The following POLR3B variants were observed in gnomAD, a reference collection of about 807,000 sequenced individuals.
The protein encoded by POLR3B is RNA polymerase III subunit B.
POLR3B carries 96 observed loss-of-function variants against 147.4 expected under a neutral mutation model. The ratio of observed to expected loss-of-function variants is 0.65; its 90% CI spans 0.55 to 0.77. The LOEUF is 0.77. Ranked by LOEUF, POLR3B falls within the 30% of genes least tolerant of loss-of-function variation. POLR3B has a pLI of 0.00. For missense variants in POLR3B, 1,036 were observed against 1,413.5 expected, an observed-to-expected ratio of 0.73 and a Z score of 4.28; for synonymous variants, 461 against 485.9, an observed-to-expected ratio of 0.95 and a Z score of 0.67.
chr12:106,392,968 T>TA, intron 9 of POLR3B, 63 bp from the exon 10 acceptor site: 2 of 1,604,502 alleles, frequency 1.2e-6, no homozygotes, highest in Non-Finnish European at 1.7e-6. Context: ...CAAATTAGCA[T>TA]AAGCAAATGT....
intron 9 of POLR3B, among the ~76,000 whole-genome samples, chr12:106,381,296 T>C (rs1271799923): frequency 4.6e-5 from 7 of 152,224 alleles, no homozygotes; most frequent in Admixed American, 3.3e-4. Flanking sequence ...GTAGAACTTC[T>C]TTCAAAAATT....
chr12:106,386,038 T>C (rs2036831759), intron 9 of POLR3B, among the ~76,000 whole-genome samples: 1 of 152,194 alleles, frequency 6.6e-6, no homozygotes, highest in African/African-American at 2.4e-5. Flanking sequence ...TACATACTGA[T>C]GAATAAAGAA....
intron 20 of POLR3B, among the ~76,000 whole-genome samples, chr12:106,454,915 A>G (rs2037845423): frequency 6.6e-6 from 1 of 152,150 alleles, no homozygotes; most frequent in African/African-American, 2.4e-5. Flanking sequence ...TAAACATACT[A>G]CTACAGAATA....
At position 106,499,931 on chromosome 12, in the gene POLR3B, T is replaced by G. The variant is rs76222553; in HGVS notation, c.2985-1392T>G. 9.3e-4 allele frequency: 311 copies of G among 335,612 alleles called. 1 individual carries two copies. The East Asian group carries it at 0.019, about 21-fold the overall frequency. 20.8% of individuals were successfully genotyped at this position (335,612 alleles called of 1,614,324 possible). On this transcript the variant is annotated intron_variant, in intron 25 of 27. Coordinates refer to ENST00000228347, the MANE Select transcript of POLR3B (RefSeq NM_018082.6). ...AGTGGCCAAGCTTTTCCTTTGCCTCTCTGCTGTGTCTGTTGTTTCCTTTAC... is the reference window on the plus strand; with the variant it reads ...AGTGGCCAAGCTTTTCCTTTGCCTCGCTGCTGTGTCTGTTGTTTCCTTTAC...
At chr12:106,395,830 C>T (rs1271608815) in intron 10 of POLR3B, among the ~76,000 whole-genome samples, 1 of 151,910 alleles carries the variant, frequency 6.6e-6, no homozygotes, top group African/African-American at 2.4e-5. Context: ...ATTAGCCGGG[C>T]GTGGTGGTGG....
intron 12 of POLR3B, among the ~76,000 whole-genome samples, chr12:106,419,794 CTTTTTT>C (rs56756383): frequency 1.3e-4 from 12 of 88,952 alleles, no homozygotes; most frequent in Admixed American, 5.1e-4. Flanking sequence ...TTTAGTTTTG[CTTTTTT>C]TTTTTTTTTT....
At chr12:106,441,428 T>G (rs1176387335) in intron 18 of POLR3B, among the ~76,000 whole-genome samples, 1 of 152,224 alleles carries the variant, frequency 6.6e-6, no homozygotes, top group East Asian at 1.9e-4. Flanking sequence ...TACAAACCTG[T>G]ACAGCATATT....
intron 13 of POLR3B, 136 bp downstream of exon 13, chr12:106,427,494 A>G: frequency 1.2e-6 from 1 of 818,666 alleles, no homozygotes; most frequent in South Asian, 1.6e-5. Flanking sequence ...ACAAATTTCT[A>G]CTTTGAAAGA....
At chr12:106,412,916 A>G (rs1166034373) in intron 12 of POLR3B, among the ~76,000 whole-genome samples, 6 of 152,182 alleles carry the variant, frequency 3.9e-5, no homozygotes, top group Middle Eastern at 3.4e-3. Flanking sequence ...TTATGTGCCT[A>G]TTGGTCATTT....
intron 23 of POLR3B, among the ~76,000 whole-genome samples, chr12:106,492,750 G>A (rs1565914315): frequency 2.0e-5 from 3 of 152,134 alleles, no homozygotes; most frequent in South Asian, 4.1e-4. Context: ...TGAGTGGATC[G>A]GCAGTCAGAT....
At chr12:106,376,211 C>A in intron 6 of POLR3B, 148 bp from the exon 7 acceptor site, 1 of 671,414 alleles carries the variant, frequency 1.5e-6, no homozygotes, top group Non-Finnish European at 2.7e-6. Context: ...TGCTTGGCTT[C>A]CATGTAATTG....
At chr12:106,444,724 C>G (rs1010246917) in intron 19 of POLR3B, 134 bp downstream of exon 19, 9 of 906,234 alleles carry the variant, frequency 9.9e-6, no homozygotes, top group African/African-American at 8.2e-5. Context: ...GGTTACCAAG[C>G]CCAGGGAGTT....
At chr12:106,501,768 T>C (rs929765681) in intron 26 of POLR3B, among the ~76,000 whole-genome samples, 53 of 152,342 alleles carry the variant, frequency 3.5e-4, no homozygotes, top group Non-Finnish European at 3.2e-4. Flanking sequence ...CACACACACA[T>C]TGATATACTT....
At chr12:106,364,054 CT>C (rs2036500727) in intron 2 of POLR3B, 152 bp downstream of exon 2, 1 of 662,060 alleles carries the variant, frequency 1.5e-6, no homozygotes, top group South Asian at 1.8e-5. Flanking sequence ...GGTAAAATCC[CT>C]GCCTGAAAGG....
At chr12:106,477,837 G>T (rs533474971) in intron 23 of POLR3B, among the ~76,000 whole-genome samples, 2 of 150,356 alleles carry the variant, frequency 1.3e-5, no homozygotes, top group African/African-American at 4.9e-5. Context: ...CGTCGCTCAC[G>T]GGCTGGGAGC....
chr12:106,394,040 T>C (rs147591763), intron 10 of POLR3B, among the ~76,000 whole-genome samples: 2 of 152,332 alleles, frequency 1.3e-5, no homozygotes, highest in Non-Finnish European at 2.9e-5. Context: ...ATGTAAACTC[T>C]GGGCTGCTTT....
chr12:106,366,351 G>T lies in POLR3B; in HGVS notation c.106-165G>T, dbSNP rs530257365. On this transcript the variant is annotated intron_variant, in intron 2 of 27. Transcript: ENST00000228347. Reference sequence around the variant, plus strand: ...TGGAATGAGAATGCATTAATGAAAAGATTTATTAAATAAAATTCATGGATT... The same window carrying T: ...TGGAATGAGAATGCATTAATGAAAATATTTATTAAATAAAATTCATGGATT... 1.3e-4 allele frequency among the ~76,000 whole-genome samples: 20 copies of T among 152,222 alleles called. No individual in the cohort carries two copies. In the South Asian group the frequency reaches 2.5e-3, roughly 19 times the overall value.
intron 7 of POLR3B, 69 bp downstream of exon 7, chr12:106,376,519 C>T (rs2036681677): frequency 9.0e-7 from 1 of 1,110,056 alleles, no homozygotes; most frequent in South Asian, 1.2e-5. Flanking sequence ...GTGGTTTTAA[C>T]ATTTTGTCTC....
chr12:106,478,376 C>G (rs189666611), intron 23 of POLR3B, among the ~76,000 whole-genome samples: 1 of 152,272 alleles, frequency 6.6e-6, no homozygotes, highest in Admixed American at 6.5e-5. Context: ...TTGCAGTGAT[C>G]TGAAACAGCA....
Sources: allele counts gnomAD v4.1 joint callset (sites outside exome capture counted in the v4.1 genomes callset), GRCh38; gene constraint gnomAD v4.1.1; transcripts MANE v1.5; gene names NCBI Gene and HGNC (gene_info 2026-07-23, HGNC 2026-07-21).